The following PLEKHA5 variants were observed in gnomAD, a reference collection of about 807,000 sequenced individuals.
PLEKHA5 encodes pleckstrin homology domain containing A5, also known as pleckstrin homology domain-containing family A member 5.
Under a neutral mutation model 181.9 loss-of-function variants are expected in PLEKHA5, and 55 were observed. That is an observed-to-expected ratio of 0.30 (90% CI 0.24 to 0.38). The LOEUF (loss-of-function observed/expected upper bound fraction) is 0.38, where lower values mean the gene tolerates loss of function less well. PLEKHA5 is among the 10% of genes least tolerant of loss of function. The pLI, the probability that PLEKHA5 is intolerant of heterozygous loss-of-function variation, is 1.00. For synonymous variants in PLEKHA5, 535 were observed against 529.4 expected, an observed-to-expected ratio of 1.01 and a Z score of -0.15; for missense variants, 1,432 against 1,549.5, an observed-to-expected ratio of 0.92 and a Z score of 1.27.
At chr12:19,177,143 G>A (rs1321735238) in intron 3 of PLEKHA5, among the ~76,000 whole-genome samples, 1 of 152,118 alleles carries the variant, frequency 6.6e-6, no homozygotes, top group Admixed American at 6.5e-5. Flanking sequence ...TGGAATTACA[G>A]GTGTGAGCCA....
intron 3 of PLEKHA5, among the ~76,000 whole-genome samples, chr12:19,241,773 GAAA>G (rs2062659994): frequency 6.9e-6 from 1 of 144,172 alleles, no homozygotes; most frequent in Non-Finnish European, 1.5e-5. Flanking sequence ...AAAAAAAAAA[GAAA>G]AGAAAAATAA....
chr12:19,315,005 T>G, intron 16 of PLEKHA5, 111 bp downstream of exon 16: 1 of 679,406 alleles, frequency 1.5e-6, no homozygotes, highest in South Asian at 1.6e-5. Flanking sequence ...TCTTATTTTA[T>G]TTTTTGTTTA....
chr12:19,291,512 C>T (rs2078438798), intron 14 of PLEKHA5, 132 bp from the exon 15 acceptor site: 2 of 530,992 alleles, frequency 3.8e-6, no homozygotes, highest in Admixed American at 3.6e-5. Context: ...GGAGCATGTG[C>T]GTGAAAGTTG....
intron 30 of PLEKHA5, among the ~76,000 whole-genome samples, chr12:19,367,936 C>T (rs1045255260): frequency 6.6e-6 from 1 of 151,920 alleles, no homozygotes; most frequent in Non-Finnish European, 1.5e-5. Context: ...TACAAAACCC[C>T]GCCACCACTC....
chr12:19,309,600 A>C (rs1296005241), intron 15 of PLEKHA5, among the ~76,000 whole-genome samples: 1 of 152,032 alleles, frequency 6.6e-6, no homozygotes, highest in Non-Finnish European at 1.5e-5. Context: ...TACTAAAAAT[A>C]GAAAAATTAC....
intron 3 of PLEKHA5, 71 bp downstream of exon 3, chr12:19,132,521 G>A (rs117507492): frequency 0.011 from 8,223 of 772,704 alleles, 76 homozygotes; most frequent in South Asian, 0.034. Flanking sequence ...CTGAATAGTT[G>A]TATGTCCAGT....
intron 20 of PLEKHA5, among the ~76,000 whole-genome samples, chr12:19,334,870 C>CTATA (rs1461069710): frequency 7.6e-5 from 2 of 26,266 alleles, no homozygotes; most frequent in Non-Finnish European, 1.7e-4. Context: ...ATATATATAT[C>CTATA]TCTGTATACG....
At chr12:19,370,835 GC>G (rs1267067362) in intron 31 of PLEKHA5, 9 of 151,716 alleles carry the variant, frequency 5.9e-5, no homozygotes, top group Non-Finnish European at 1.2e-4. Context: ...GATCACAAGT[GC>G]ACGCCACCAC....
At chr12:19,176,876 T>C (rs2047399707) in intron 3 of PLEKHA5, among the ~76,000 whole-genome samples, 1 of 152,098 alleles carries the variant, frequency 6.6e-6, no homozygotes, top group South Asian at 2.1e-4. Context: ...TTATCTTTTT[T>C]TCTTTTGAGA....
At chr12:19,173,085 G>A (rs377704193) in intron 3 of PLEKHA5, among the ~76,000 whole-genome samples, 122 of 125,982 alleles carry the variant, frequency 9.7e-4, no homozygotes, top group African/African-American at 3.6e-3. Flanking sequence ...CTGCAGTGGC[G>A]CAATCTCGGC....
chr12:19,320,465 TTA>T (rs1175067819), intron 17 of PLEKHA5, 95 bp from the exon 18 acceptor site: 7 of 586,132 alleles, frequency 1.2e-5, no homozygotes, highest in Non-Finnish European at 1.8e-5. Context: ...TTTTGTTATG[TTA>T]TATATATTTA....
intron 3 of PLEKHA5, among the ~76,000 whole-genome samples, chr12:19,226,448 A>G (rs1329488378): frequency 1.3e-5 from 2 of 152,160 alleles, no homozygotes; most frequent in Admixed American, 6.5e-5. Flanking sequence ...TTATTTGGGT[A>G]TATATACCTG....
intron 3 of PLEKHA5, among the ~76,000 whole-genome samples, chr12:19,208,821 A>G (rs981813826): frequency 5.3e-5 from 8 of 152,158 alleles, no homozygotes; most frequent in Non-Finnish European, 1.0e-4. Flanking sequence ...TGTTGGCCTC[A>G]AATATTTGAC....
At chr12:19,158,315 T>C (rs1279187213) in intron 3 of PLEKHA5, among the ~76,000 whole-genome samples, 1 of 151,808 alleles carries the variant, frequency 6.6e-6, no homozygotes, top group African/African-American at 2.4e-5. Flanking sequence ...ATCGCACCAC[T>C]GCACTCCAGC....
chr12:19,171,920 C>A (rs2045983576), intron 3 of PLEKHA5, among the ~76,000 whole-genome samples: 1 of 152,150 alleles, frequency 6.6e-6, no homozygotes. Flanking sequence ...CACATCTTGT[C>A]CCACTGTAAG....
At chr12:19,136,367 T>G (rs180722496) in intron 3 of PLEKHA5, among the ~76,000 whole-genome samples, 1 of 152,350 alleles carries the variant, frequency 6.6e-6, no homozygotes, top group African/African-American at 2.4e-5. Context: ...TGCTGTTATC[T>G]TTATGAAGAA....
chr12:19,239,666 TACATAA>T (rs2062095453), intron 3 of PLEKHA5, among the ~76,000 whole-genome samples: 1 of 152,216 alleles, frequency 6.6e-6, no homozygotes, highest in Admixed American at 6.5e-5. Flanking sequence ...ACATTTTATA[TACATAA>T]ACATATTGTT....
Position 19,257,473 on chromosome 12 carries a change from G to C in PLEKHA5, c.473G>C (p.Arg158Thr). ...ASKKVHNFGK[R>T]SNSIKRNPNA... ...AAAAAAGTTCATAATTTTGGAAAGA[G>C]GTCAAATTCAATTAAAAGGAATCCT... The change falls in exon 6 of 32, where the codon AGG (arginine) becomes ACG (threonine). Residue 158 changes from arginine (R) to threonine (T), a missense_variant. Arg to Thr is a moderately conservative substitution (Grantham distance 71). Coordinates refer to ENST00000429027, the MANE Select transcript of PLEKHA5 (RefSeq NM_001256470.2). 6.2e-7 allele frequency: 1 copy of C among 1,608,274 alleles called. No individual in the cohort carries two copies. Among genetic ancestry groups the C allele is most frequent in the Non-Finnish European group, 8.5e-7 (1 of 1,176,538 alleles).
chr12:19,246,947 T>C (rs903346255), intron 3 of PLEKHA5, among the ~76,000 whole-genome samples: 4 of 150,094 alleles, frequency 2.7e-5, no homozygotes, highest in Non-Finnish European at 5.9e-5. Context: ...TGAAACACCA[T>C]ATTAACAAAC....
Sources: allele counts gnomAD v4.1 joint callset (sites outside exome capture counted in the v4.1 genomes callset), GRCh38; gene constraint gnomAD v4.1.1; transcripts MANE v1.5; gene names NCBI Gene and HGNC (gene_info 2026-07-23, HGNC 2026-07-21).